PRKCE: variants seen among roughly 807,000 people sequenced by gnomAD.
PRKCE encodes protein kinase C epsilon.
In PRKCE, 16 loss-of-function variants were observed where a neutral mutation model predicts 85.4. That is an observed-to-expected ratio of 0.19 (90% confidence interval 0.13 to 0.28). PRKCE has a LOEUF of 0.28. Ranked by LOEUF, PRKCE falls within the 10% of genes least tolerant of loss-of-function variation. The probability of loss-of-function intolerance (pLI) is 1.00; values close to 1 mark genes in which losing one functional copy is unlikely to be tolerated. For synonymous variants in PRKCE, 388 were observed against 371.5 expected, an observed-to-expected ratio of 1.04 and a Z score of -0.51; for missense variants, 573 against 975.2, an observed-to-expected ratio of 0.59 and a Z score of 5.49.
At chr2:45,723,830 C>G (rs1282272639) in intron 1 of PRKCE, among the ~76,000 whole-genome samples, 3 of 152,168 alleles carry the variant, frequency 2.0e-5, no homozygotes, top group Non-Finnish European at 2.9e-5. Flanking sequence ...GTCTCAAACT[C>G]CTGACCTCGT....
chr2:45,980,502 A>G (rs1025217930), intron 5 of PRKCE, 121 bp downstream of exon 5: 45 of 932,440 alleles, frequency 4.8e-5, no homozygotes, highest in Non-Finnish European at 1.8e-5. Context: ...CATTGTGTTG[A>G]TAAAAAAACA....
intron 1 of PRKCE, 33 bp from the exon 2 acceptor site, chr2:45,842,967 C>A: frequency 2.5e-6 from 4 of 1,605,098 alleles, no homozygotes; most frequent in Non-Finnish European, 3.4e-6. Flanking sequence ...ACACAATGCA[C>A]TAACAGAGTC....
In PRKCE at chr2:45,895,067, C is replaced by T. The variant is rs1229442241; in HGVS notation, c.412+52004C>T. ...ACATAAATGTCATCAATGATTCCGT[C>T]TCTACCTGGGTAAACTTCAGAACTT... On this transcript the variant is annotated intron_variant, in intron 2 of 14. Transcript: ENST00000306156. The surrounding 1 kb of genome is among the most constrained non-coding windows in gnomAD (Gnocchi z 4.8). Among the ~76,000 whole-genome samples the T allele has an allele frequency of 6.6e-6, 1 of 152,182 alleles. No individual in the cohort carries two copies. Among genetic ancestry groups the T allele is most frequent in the Non-Finnish European group, 1.5e-5 (1 of 68,038 alleles).
At chr2:45,776,370 C>T (rs1685749816) in intron 1 of PRKCE, among the ~76,000 whole-genome samples, 1 of 152,216 alleles carries the variant, frequency 6.6e-6, no homozygotes, top group Non-Finnish European at 1.5e-5. Context: ...CTGGTACACA[C>T]TCAGTAGGCG....
At chr2:46,172,803 A>G (rs1679048047) in intron 14 of PRKCE, among the ~76,000 whole-genome samples, 1 of 152,228 alleles carries the variant, frequency 6.6e-6, no homozygotes. Context: ...GAAAGACTTA[A>G]GCAAAAGGGG....
At chr2:46,128,194 C>T (rs1048459123) in intron 11 of PRKCE, among the ~76,000 whole-genome samples, 2 of 152,070 alleles carry the variant, frequency 1.3e-5, no homozygotes, top group African/African-American at 4.8e-5. Context: ...TGTGTTGTTC[C>T]CTTCCAGCAT....
intron 6 of PRKCE, chr2:46,000,786 C>G (rs2345631): frequency 0.18 from 27,619 of 152,220 alleles, 3,203 homozygotes; most frequent in East Asian, 0.34. Context: ...CAGCATTGTT[C>G]CTACAGAGGT....
intron 2 of PRKCE, among the ~76,000 whole-genome samples, chr2:45,885,026 C>A: frequency 9.6e-6 from 1 of 104,154 alleles, no homozygotes; most frequent in Admixed American, 1.2e-4. Context: ...TGTTGTTTTA[C>A]CAAGAGCTCA....
chr2:45,720,891 AAGGTCAGG>A, intron 1 of PRKCE, among the ~76,000 whole-genome samples: 1 of 152,044 alleles, frequency 6.6e-6, no homozygotes, highest in Non-Finnish European at 1.5e-5. Context: ...GGCAGATCAC[AAGGTCAGG>A]AGTTCGAGAC....
intron 2 of PRKCE, among the ~76,000 whole-genome samples, chr2:45,874,112 C>G (rs577345670): frequency 7.2e-4 from 109 of 152,334 alleles, no homozygotes; most frequent in African/African-American, 2.5e-3. Context: ...AAGAGATTGT[C>G]AACACAAGTT....
chr2:46,090,184 C>G (rs150551579), intron 11 of PRKCE, among the ~76,000 whole-genome samples: 102 of 152,220 alleles, frequency 6.7e-4, no homozygotes, highest in Non-Finnish European at 1.1e-3. Flanking sequence ...CAGAGTAATA[C>G]TCCTGGAGCT....
chr2:45,855,220 G>A (rs978941436), intron 2 of PRKCE, among the ~76,000 whole-genome samples: 1 of 152,168 alleles, frequency 6.6e-6, no homozygotes, highest in African/African-American at 2.4e-5. Flanking sequence ...ACAAGTGGAG[G>A]CTGATAAGGC....
intron 10 of PRKCE, among the ~76,000 whole-genome samples, chr2:46,038,723 C>T (rs1485819501): frequency 6.8e-6 from 1 of 148,072 alleles, no homozygotes; most frequent in East Asian, 2.0e-4. Flanking sequence ...TATTTCCTTG[C>T]GAATGACCAT....
chr2:45,780,359 A>G (rs919818010), intron 1 of PRKCE, among the ~76,000 whole-genome samples: 8 of 151,874 alleles, frequency 5.3e-5, no homozygotes, highest in African/African-American at 1.5e-4. Context: ...AGTTTCCCAC[A>G]TTTTGGATTT....
chr2:45,695,571 A>C (rs1397652259), intron 1 of PRKCE, among the ~76,000 whole-genome samples: 1 of 152,224 alleles, frequency 6.6e-6, no homozygotes, highest in Non-Finnish European at 1.5e-5. Flanking sequence ...TCAGGAGTTC[A>C]AAACCAGCCT....
At chr2:45,741,748 G>A (rs1215950998) in intron 1 of PRKCE, among the ~76,000 whole-genome samples, 1 of 150,632 alleles carries the variant, frequency 6.6e-6, no homozygotes, top group African/African-American at 2.5e-5. Flanking sequence ...AGTACAGCCT[G>A]TGCTGGATTA....
intron 1 of PRKCE, among the ~76,000 whole-genome samples, chr2:45,728,702 C>G (rs778097948): frequency 6.6e-6 from 1 of 152,162 alleles, no homozygotes; most frequent in Admixed American, 6.5e-5. Flanking sequence ...TCTGTCTTCA[C>G]CAGTTCATGG....
chr2:45,977,703 A>C (rs1386940796), intron 3 of PRKCE, among the ~76,000 whole-genome samples: 1 of 152,160 alleles, frequency 6.6e-6, no homozygotes, highest in Admixed American at 6.5e-5. Context: ...GGCCAGCCCC[A>C]TTCCACTAAC....
chr2:45,991,902 GGGTCT>G (rs1340048289), intron 6 of PRKCE, among the ~76,000 whole-genome samples: 6 of 152,124 alleles, frequency 3.9e-5, no homozygotes, highest in African/African-American at 1.4e-4. Flanking sequence ...GTTATCTATT[GGGTCT>G]GGTCTGAGAG....
Sources: gnomAD v4.1 joint callset for allele counts (sites outside exome capture counted in the v4.1 genomes callset) on GRCh38, gnomAD v4.1.1 for gene constraint, Gnocchi (gnomAD v3.1) non-coding constraint, MANE v1.5 for transcripts, NCBI Gene and HGNC (gene_info 2026-07-23, HGNC 2026-07-21) for gene names.